The following CSTPP1 variants were observed in gnomAD, a reference collection of about 807,000 sequenced individuals.
CSTPP1 encodes the protein UPF0705 protein C11orf49.
the CSTPP1 span, among the ~76,000 whole-genome samples, chr11:47,105,480 AACAG>A: frequency 3.9e-5 from 6 of 152,170 alleles, no homozygotes; most frequent in African/African-American, 1.2e-4. Context: ...CAGCATGGGC[AACAG>A]ACAGAGACTC....
At chr11:46,978,370 T>A in the CSTPP1 span, among the ~76,000 whole-genome samples, 1 of 152,234 alleles carries the variant, frequency 6.6e-6, no homozygotes, top group East Asian at 1.9e-4. Flanking sequence ...GAGTTGGGCC[T>A]GGCAGAAAAG....
At chr11:47,132,923 GTTTC>G in the CSTPP1 span, among the ~76,000 whole-genome samples, 3 of 152,178 alleles carry the variant, frequency 2.0e-5, no homozygotes, top group African/African-American at 2.4e-5. Flanking sequence ...CTGAGCCCTA[GTTTC>G]TTTATTTCTA....
the CSTPP1 span, among the ~76,000 whole-genome samples, chr11:47,080,948 G>T: frequency 1.3e-5 from 2 of 150,874 alleles, no homozygotes; most frequent in African/African-American, 4.9e-5. Flanking sequence ...GTTTAAGGAT[G>T]CAGTGAGCCA....
the CSTPP1 span, among the ~76,000 whole-genome samples, chr11:47,005,171 G>C: frequency 6.6e-6 from 1 of 152,114 alleles, no homozygotes; most frequent in Non-Finnish European, 1.5e-5. Context: ...GAAAATTGAT[G>C]TAAAAACTTT....
chr11:47,015,023 G>C, the CSTPP1 span, among the ~76,000 whole-genome samples: 1 of 152,128 alleles, frequency 6.6e-6, no homozygotes, highest in African/African-American at 2.4e-5. Flanking sequence ...TCAGGAACGA[G>C]AGAGATACAT....
chr11:46,961,055 G>C, the CSTPP1 span, among the ~76,000 whole-genome samples: 1 of 152,092 alleles, frequency 6.6e-6, no homozygotes, highest in Middle Eastern at 3.4e-3. Context: ...GTTTTTGTTC[G>C]AACACCTTTT....
chr11:47,029,709 G>A, the CSTPP1 span, among the ~76,000 whole-genome samples: 3 of 151,870 alleles, frequency 2.0e-5, no homozygotes, highest in Admixed American at 1.3e-4. Flanking sequence ...CATATGCTGT[G>A]TTTGAATCAC....
the CSTPP1 span, among the ~76,000 whole-genome samples, chr11:47,090,778 G>C: frequency 3.9e-5 from 6 of 152,026 alleles, no homozygotes; most frequent in Non-Finnish European, 8.8e-5. Context: ...GGAGGCTCAC[G>C]CCTGTAATCC....
At chr11:47,146,269 G>A in the CSTPP1 span, among the ~76,000 whole-genome samples, 1 of 151,514 alleles carries the variant, frequency 6.6e-6, no homozygotes, top group Admixed American at 6.6e-5. Flanking sequence ...GGAGGTTGAG[G>A]CAGGAGAATC....
the CSTPP1 span, among the ~76,000 whole-genome samples, chr11:47,063,019 T>C: frequency 6.6e-6 from 1 of 152,190 alleles, no homozygotes; most frequent in Non-Finnish European, 1.5e-5. Context: ...TCTGTAGGCA[T>C]TGGAGTTTGC....
the CSTPP1 span, chr11:47,157,819 A>G: frequency 6.2e-7 from 1 of 1,613,244 alleles, no homozygotes; most frequent in Middle Eastern, 1.7e-4. Context: ...TTAGCTGCCC[A>G]CCCCCAGCAC....
the CSTPP1 span, among the ~76,000 whole-genome samples, chr11:46,969,470 A>G: frequency 2.0e-5 from 3 of 152,224 alleles, no homozygotes; most frequent in Admixed American, 6.5e-5. Flanking sequence ...AGCTGAACCT[A>G]TGTATACCCT....
At chr11:46,941,235 G>T in the CSTPP1 span, among the ~76,000 whole-genome samples, 5 of 152,182 alleles carry the variant, frequency 3.3e-5, no homozygotes, top group Non-Finnish European at 5.9e-5. Flanking sequence ...TCATCAAACC[G>T]TATCACTCTG....
At chr11:46,961,654 G>C in the CSTPP1 span, among the ~76,000 whole-genome samples, 1 of 152,098 alleles carries the variant, frequency 6.6e-6, no homozygotes, top group Non-Finnish European at 1.5e-5. Context: ...CCTAAACCAA[G>C]TTCACAAAAC....
the CSTPP1 span, among the ~76,000 whole-genome samples, chr11:47,135,154 G>A: frequency 0.02 from 3,041 of 151,992 alleles, 53 homozygotes; most frequent in Non-Finnish European, 0.027. Context: ...AAAAAACTCA[G>A]CAACAAATAC....
chr11:46,985,444 G>T, the CSTPP1 span, among the ~76,000 whole-genome samples: 3 of 152,158 alleles, frequency 2.0e-5, no homozygotes, highest in African/African-American at 7.2e-5. Context: ...CAACTTCATA[G>T]AATTGCTTTT....
chr11:47,108,368 G>A, the CSTPP1 span, among the ~76,000 whole-genome samples: 9 of 152,150 alleles, frequency 5.9e-5, no homozygotes, highest in African/African-American at 1.2e-4. Flanking sequence ...GCTATCTGCC[G>A]TATATACAGT....
the CSTPP1 span, among the ~76,000 whole-genome samples, chr11:47,016,411 C>CAA: frequency 9.0e-6 from 1 of 110,986 alleles, no homozygotes; most frequent in Non-Finnish European, 2.0e-5. Context: ...AAACAAAAAA[C>CAA]AAAAAAAAAA....
the CSTPP1 span, among the ~76,000 whole-genome samples, chr11:47,104,851 C>T: frequency 6.6e-6 from 1 of 152,188 alleles, no homozygotes. Context: ...CAGTCTGATA[C>T]CAGATCTGTG....
Sources: allele counts gnomAD v4.1 joint callset (sites outside exome capture counted in the v4.1 genomes callset), GRCh38; gene constraint gnomAD v4.1.1; transcripts MANE v1.5; gene names NCBI Gene and HGNC (gene_info 2026-07-23, HGNC 2026-07-21).